Variants in PLCL2 observed in about 807,000 individuals in gnomAD.
PLCL2 encodes inactive phospholipase C-like protein 2.
Under a neutral mutation model 79.6 loss-of-function variants are expected in PLCL2, and 4 were observed. That is an observed-to-expected ratio of 0.05 (90% CI 0.02 to 0.11). PLCL2 has a LOEUF of 0.11. Ranked by LOEUF, PLCL2 falls within the 10% of genes least tolerant of loss-of-function variation. PLCL2 has a pLI of 1.00. For synonymous variants in PLCL2, 484 were observed against 457.7 expected (o/e 1.06, Z -0.73); for missense variants, 895 against 1,291.0 (o/e 0.69, Z 4.70).
intron 1 of PLCL2, among the ~76,000 whole-genome samples, chr3:16,971,932 A>G (rs2063872994): frequency 6.6e-6 from 1 of 152,196 alleles, no homozygotes; most frequent in South Asian, 2.1e-4. Flanking sequence ...CAAAAACCAC[A>G]TGATTATCTC....
rs1466933647 is a variant in PLCL2, at chr3:17,063,217, TCTTC to T, written c.3095-4732_3095-4729del. On this transcript the variant is annotated intron_variant, in intron 4 of 5. Coordinates refer to ENST00000615277, the MANE Select transcript of PLCL2 (RefSeq NM_001144382.2). ...AACAAAAAACACTTGTGTCTCTTTC[TCTTC>T]CTTCCTCCCTCCCTCCCTCCCTGCC... Among the ~76,000 whole-genome samples, 60 of 46,964 alleles carry T rather than the reference TCTTC, an allele frequency of 1.3e-3. 1 individual carries two copies. The highest frequency in any genetic ancestry group is 2.7e-3 in the African/African-American group (36 of 13,582). The allele number at this position is 46,964 out of a possible 152,430, so 30.8% of individuals were successfully genotyped here.
At chr3:16,971,718 A>G (rs1486477719) in intron 1 of PLCL2, among the ~76,000 whole-genome samples, 2 of 151,934 alleles carry the variant, frequency 1.3e-5, no homozygotes, top group Admixed American at 1.3e-4. Context: ...ATCCTCTTTT[A>G]TTTCCTTGAG....
chr3:17,081,468 C>T (rs2065161932), intron 5 of PLCL2: 1 of 276,888 alleles, frequency 3.6e-6, no homozygotes, highest in Non-Finnish European at 7.2e-6. Flanking sequence ...GACAAAAGGA[C>T]TTTGAAAAAA....
At chr3:17,059,718 T>C (rs916921600) in intron 4 of PLCL2, among the ~76,000 whole-genome samples, 8 of 152,040 alleles carry the variant, frequency 5.3e-5, no homozygotes, top group Non-Finnish European at 1.2e-4. Context: ...TAAGAAGGAA[T>C]AACAGTGGTT....
At chr3:16,888,958 C>T (rs1463716232) in intron 1 of PLCL2, among the ~76,000 whole-genome samples, 3 of 152,178 alleles carry the variant, frequency 2.0e-5, no homozygotes, top group African/African-American at 4.8e-5. Flanking sequence ...TCACCACCAT[C>T]ATGAAGATAT....
At chr3:17,035,869 A>G (rs999321807) in intron 3 of PLCL2, 4 of 482,994 alleles carry the variant, frequency 8.3e-6, no homozygotes, top group Non-Finnish European at 1.6e-5. Context: ...TGTGTGTGGC[A>G]GCACCCAAAT....
chr3:16,943,863 T>C lies in PLCL2; in HGVS notation c.327+58497T>C, dbSNP rs535673537. ...TAAGGTCTCTTCTAGGTAGCTTGAT[T>C]TGTGCAAATAACTTAATCACCCTTT... On this transcript the variant is annotated intron_variant, in intron 1 of 5. Coordinates refer to ENST00000615277, the MANE Select transcript of PLCL2 (RefSeq NM_001144382.2). 3.9e-5 allele frequency among the ~76,000 whole-genome samples: 6 copies of C among 152,332 alleles called. 1 individual carries two copies. Among genetic ancestry groups the C allele is most frequent in the East Asian group, 3.9e-4 (2 of 5,184 alleles).
rs2063763094 is a variant in PLCL2 at position 16,962,378 on chromosome 3, T to C, written c.328-47296T>C. Among the ~76,000 whole-genome samples, 7 of 152,022 alleles carry C rather than the reference T, an allele frequency of 4.6e-5. No homozygotes were observed. In the South Asian group the frequency reaches 1.5e-3, roughly 32 times the overall value. On this transcript the variant is annotated intron_variant, in intron 1 of 5. Coordinates refer to ENST00000615277, the MANE Select transcript of PLCL2 (RefSeq NM_001144382.2). ...CCTGCCCCACGACCCATCTGTTAGG[T>C]TCTCTGGATTCTCACTGCAATCAGG...
chr3:16,945,150 A>T (rs1432369090), intron 1 of PLCL2, among the ~76,000 whole-genome samples: 1 of 151,780 alleles, frequency 6.6e-6, no homozygotes. Flanking sequence ...GTGGTGCTCA[A>T]CCTCACGTAT....
At chr3:17,049,030 AAAG>A (rs1295336692) in intron 4 of PLCL2, among the ~76,000 whole-genome samples, 1 of 152,004 alleles carries the variant, frequency 6.6e-6, no homozygotes, top group Non-Finnish European at 1.5e-5. Flanking sequence ...AAAAAAAAGA[AAAG>A]AAAATTCATG....
chr3:17,015,178 G>A (rs965305502), intron 3 of PLCL2, among the ~76,000 whole-genome samples: 8 of 152,162 alleles, frequency 5.3e-5, no homozygotes, highest in African/African-American at 1.9e-4. Flanking sequence ...ATTTTTAAAG[G>A]ATGCACTATT....
At chr3:16,899,365 C>CA (rs1559480023) in intron 1 of PLCL2, among the ~76,000 whole-genome samples, 2 of 152,278 alleles carry the variant, frequency 1.3e-5, no homozygotes, top group East Asian at 3.9e-4. Flanking sequence ...CAGAGCAGCC[C>CA]ATTGGGGTCA....
intron 1 of PLCL2, among the ~76,000 whole-genome samples, chr3:16,931,134 C>G (rs75797047): frequency 0.029 from 4,425 of 150,950 alleles, 222 homozygotes; most frequent in African/African-American, 0.1. Flanking sequence ...GATGCATTCA[C>G]TTCTTCCTCT....
chr3:17,027,756 C>T (rs563122986), intron 3 of PLCL2, among the ~76,000 whole-genome samples: 3 of 152,078 alleles, frequency 2.0e-5, no homozygotes, highest in East Asian at 1.9e-4. Flanking sequence ...AGACTGTTAT[C>T]GTTGCCTGAG....
In PLCL2 at chr3:17,011,409, A is replaced by G; in HGVS notation, c.2063A>G (p.Asn688Ser). 1 of 1,614,182 alleles carries G rather than the reference A, an allele frequency of 6.2e-7. No individual in the cohort carries two copies. Among genetic ancestry groups the G allele is most frequent in the South Asian group, 1.1e-5 (1 of 91,082 alleles). ...SPMRIDSSNM[N>S]PQDFWKCGCQ... is the part of the protein sequence containing the mutation. Reference sequence around the variant, plus strand: ...ATGAGAATTGATTCCAGTAACATGAATCCTCAAGATTTTTGGAAATGTGGT... The same window carrying G: ...ATGAGAATTGATTCCAGTAACATGAGTCCTCAAGATTTTTGGAAATGTGGT... Residue 688 changes from asparagine (N) to serine (S), a missense_variant, in exon 2 of 6, where the codon AAT (asparagine) becomes AGT (serine). Around this residue, in one of 6 missense-constraint regions of PLCL2, gnomAD observed 242 missense variants for 399.5 expected, o/e 0.61. Coordinates refer to ENST00000615277, the MANE Select transcript of PLCL2 (RefSeq NM_001144382.2). This position sits in a 1 kb window ranked among gnomAD's most constrained non-coding sequence, Gnocchi z 7.9.
chr3:17,009,654 C>A lies in PLCL2; in HGVS notation c.328-20C>A, dbSNP rs376021613. Reference sequence around the variant, plus strand: ...CCTATATTTATGTTATTCTAATATACGGTCTTTTTTTCCTCTCAGGATGGT... The same window carrying A: ...CCTATATTTATGTTATTCTAATATAAGGTCTTTTTTTCCTCTCAGGATGGT... On this transcript the variant is annotated intron_variant, in intron 1 of 5. Coordinates refer to ENST00000615277, the MANE Select transcript of PLCL2 (RefSeq NM_001144382.2). The surrounding 1 kb of genome is among the most constrained non-coding windows in gnomAD (Gnocchi z 4.0). The A allele has an allele frequency of 2.6e-5, 34 of 1,286,072 alleles. No homozygotes were observed. Among genetic ancestry groups the A allele is most frequent in the Admixed American group, 4.1e-5 (2 of 48,822 alleles). 79.7% of individuals were successfully genotyped at this position (1,286,072 alleles called of 1,614,324 possible). A position where few individuals can be genotyped will look rare whatever the true frequency, so the allele number is the denominator to read the frequency against.
chr3:16,888,875 T>C (rs1696282408), intron 1 of PLCL2, among the ~76,000 whole-genome samples: 1 of 152,214 alleles, frequency 6.6e-6, no homozygotes, highest in Admixed American at 6.5e-5. Context: ...TGAGGTATGA[T>C]TTACATACAG....
At chr3:17,066,032 C>T (rs1175753928) in intron 4 of PLCL2, among the ~76,000 whole-genome samples, 1 of 152,194 alleles carries the variant, frequency 6.6e-6, no homozygotes, top group African/African-American at 2.4e-5. Context: ...AAGCCAAGCA[C>T]ATCAGTCTTA....
At chr3:16,898,453 A>G (rs1163813422) in intron 1 of PLCL2, among the ~76,000 whole-genome samples, 2 of 152,210 alleles carry the variant, frequency 1.3e-5, no homozygotes, top group Non-Finnish European at 2.9e-5. Flanking sequence ...AAATAGTTAA[A>G]TAGCCCTTTT....
Sources: allele counts gnomAD v4.1 joint callset (sites outside exome capture counted in the v4.1 genomes callset), GRCh38; gene constraint gnomAD v4.1.1; regional missense constraint gnomAD v4.1.1; non-coding constraint Gnocchi (gnomAD v3.1); transcripts MANE v1.5; gene names NCBI Gene and HGNC (gene_info 2026-07-23, HGNC 2026-07-21).